LDB2: variants seen among roughly 807,000 people sequenced by gnomAD.
LDB2 encodes the protein LIM domain-binding protein 2.
A neutral mutation model predicts 44.3 loss-of-function variants in LDB2; 12 were observed. The observed-to-expected ratio is 0.27, with a 90% CI of 0.17 to 0.44. LDB2 has a LOEUF of 0.44. LDB2 is among the 20% of genes least tolerant of loss of function. LDB2 has a pLI of 1.00. For missense variants in LDB2, 344 were observed against 473.5 expected, an observed-to-expected ratio of 0.73 and a Z score of 2.54; for synonymous variants, 164 against 174.8, an observed-to-expected ratio of 0.94 and a Z score of 0.49.
chr4:16,595,699 G>C lies in LDB2; in HGVS notation c.408+4C>G. Reference sequence around the variant, plus strand: ...CCGGGCATGTGACAGAGCCTGTCCTGTACCTTGGTAAACATGGGCTTCCCG... The same window carrying C: ...CCGGGCATGTGACAGAGCCTGTCCTCTACCTTGGTAAACATGGGCTTCCCG... On this transcript the variant is annotated splice_donor_region_variant and intron_variant, in intron 3 of 7. Transcript: ENST00000304523. 2 of 1,612,708 alleles carry C rather than the reference G, an allele frequency of 1.2e-6. No homozygotes were observed. The highest frequency in any genetic ancestry group is 1.7e-6 in the Non-Finnish European group (2 of 1,179,470).
At chr4:16,514,094 T>C (rs1001675239) in intron 5 of LDB2, among the ~76,000 whole-genome samples, 2 of 152,202 alleles carry the variant, frequency 1.3e-5, no homozygotes, top group African/African-American at 2.4e-5. Flanking sequence ...TATTCAGTTA[T>C]TCCCATTAGG....
intron 1 of LDB2, among the ~76,000 whole-genome samples, chr4:16,814,026 C>T (rs949039063): frequency 6.6e-6 from 1 of 152,064 alleles, no homozygotes; most frequent in African/African-American, 2.4e-5. Flanking sequence ...CGCCCACCAC[C>T]ACGCCTGGCT....
intron 2 of LDB2, among the ~76,000 whole-genome samples, chr4:16,612,833 C>T (rs2132628): frequency 0.92 from 140,449 of 152,278 alleles, 64,861 homozygotes; most frequent in Admixed American, 0.96. Flanking sequence ...AAGGAGGGAT[C>T]CCTCCCTAAC....
intron 1 of LDB2, among the ~76,000 whole-genome samples, chr4:16,829,559 T>G (rs16894057): frequency 0.016 from 2,454 of 152,274 alleles, 61 homozygotes; most frequent in African/African-American, 0.056. Context: ...ATTCCCCTGG[T>G]TAAATCCTGT....
intron 1 of LDB2, among the ~76,000 whole-genome samples, chr4:16,818,647 A>C (rs1781384330): frequency 6.6e-6 from 1 of 152,204 alleles, no homozygotes; most frequent in Admixed American, 6.5e-5. Context: ...GCTTGTTACG[A>C]TGAGGGTTTA....
chr4:16,643,448 G>A (rs973068884), intron 2 of LDB2, among the ~76,000 whole-genome samples: 20 of 152,140 alleles, frequency 1.3e-4, no homozygotes, highest in African/African-American at 4.6e-4. Flanking sequence ...CATTTAGCAT[G>A]GCTAATTGGC....
At chr4:16,508,737 G>T in intron 6 of LDB2, 51 bp from the exon 7 acceptor site, 1 of 1,571,978 alleles carries the variant, frequency 6.4e-7, no homozygotes, top group South Asian at 1.2e-5. Flanking sequence ...AAAGCAACAA[G>T]GCAATCATCA....
intron 1 of LDB2, among the ~76,000 whole-genome samples, chr4:16,875,375 AAGC>A (rs768529866): frequency 2.6e-5 from 4 of 152,212 alleles, no homozygotes; most frequent in African/African-American, 7.2e-5. Context: ...ACTGGATAAA[AAGC>A]AGATCCTGTG....
intron 5 of LDB2, among the ~76,000 whole-genome samples, chr4:16,537,005 A>G (rs543686016): frequency 2.0e-5 from 3 of 152,138 alleles, no homozygotes; most frequent in Non-Finnish European, 4.4e-5. Flanking sequence ...CTAAACTCAT[A>G]TTTCGGTATT....
chr4:16,548,487 T>C (rs1426483089), intron 5 of LDB2, among the ~76,000 whole-genome samples: 1 of 152,190 alleles, frequency 6.6e-6, no homozygotes, highest in Non-Finnish European at 1.5e-5. Flanking sequence ...AGGGTAATGA[T>C]CTGTTTATTA....
intron 2 of LDB2, among the ~76,000 whole-genome samples, chr4:16,735,199 C>T (rs1761639154): frequency 6.6e-6 from 1 of 152,274 alleles, no homozygotes; most frequent in Non-Finnish European, 1.5e-5. Flanking sequence ...CATTTCACAT[C>T]AGTCTCCCCA....
intron 5 of LDB2, among the ~76,000 whole-genome samples, chr4:16,549,706 T>G (rs992987574): frequency 1.3e-5 from 2 of 152,172 alleles, no homozygotes; most frequent in Admixed American, 1.3e-4. Context: ...CAGTGTATAC[T>G]ATCTGCCCCT....
chr4:16,553,849 G>A (rs996760202), intron 5 of LDB2, among the ~76,000 whole-genome samples: 1 of 152,070 alleles, frequency 6.6e-6, no homozygotes, highest in African/African-American at 2.4e-5. Flanking sequence ...AGCACACTGA[G>A]GCCTGTGGGA....
At chr4:16,634,771 C>T (rs887807659) in intron 2 of LDB2, among the ~76,000 whole-genome samples, 1 of 152,126 alleles carries the variant, frequency 6.6e-6, no homozygotes, top group Non-Finnish European at 1.5e-5. Context: ...TACCATTTGA[C>T]CCAGCAGTCC....
chr4:16,760,485 CA>C lies in LDB2; in HGVS notation c.133-1226del, dbSNP rs753162174. 3.9e-4 allele frequency among the ~76,000 whole-genome samples: 59 copies of C among 152,176 alleles called. 2 individuals are homozygous for C. Among genetic ancestry groups the C allele is most frequent in the Non-Finnish European group, 2.5e-4 (17 of 68,022 alleles). On this transcript the variant is annotated intron_variant, in intron 1 of 7. Coordinates refer to ENST00000304523, the MANE Select transcript of LDB2 (RefSeq NM_001290.5). ...TTTGGCTTCCTTCCAATCACCATAGCAAAAGCCAATCCCTTTCTCAGTAAAA... is the reference window on the plus strand; with the variant it reads ...TTTGGCTTCCTTCCAATCACCATAGCAAAGCCAATCCCTTTCTCAGTAAAA...
At chr4:16,638,418 G>A (rs1014903804) in intron 2 of LDB2, among the ~76,000 whole-genome samples, 8 of 152,130 alleles carry the variant, frequency 5.3e-5, no homozygotes, top group Non-Finnish European at 7.3e-5. Context: ...ATGAACGTAC[G>A]AATAGAGCTT....
chr4:16,742,876 C>T, intron 2 of LDB2, among the ~76,000 whole-genome samples: 2 of 152,196 alleles, frequency 1.3e-5, no homozygotes, highest in East Asian at 3.8e-4. Flanking sequence ...CCTCACTGCC[C>T]CTCGCCTCTA....
intron 1 of LDB2, among the ~76,000 whole-genome samples, chr4:16,761,020 TC>T (rs1417074304): frequency 2.9e-4 from 44 of 151,892 alleles, no homozygotes; most frequent in African/African-American, 1.1e-3. Context: ...TTTTTTTTTT[TC>T]TCTTCAATAC....
At chr4:16,517,864 G>T (rs1381500258) in intron 5 of LDB2, among the ~76,000 whole-genome samples, 1 of 148,780 alleles carries the variant, frequency 6.7e-6, no homozygotes, top group African/African-American at 2.5e-5. Context: ...ATCACAACAG[G>T]AACTTGATGA....
Sources: allele counts gnomAD v4.1 joint callset (sites outside exome capture counted in the v4.1 genomes callset), GRCh38; gene constraint gnomAD v4.1.1; transcripts MANE v1.5; gene names NCBI Gene and HGNC (gene_info 2026-07-23, HGNC 2026-07-21).